Variants in GPBP1 observed in about 807,000 individuals in gnomAD.
GPBP1 encodes the protein vasculin.
A neutral mutation model predicts 56.5 loss-of-function variants in GPBP1; 13 were observed. The observed-to-expected ratio is 0.23, with a 90% CI of 0.15 to 0.37. GPBP1 has a LOEUF of 0.37. Ranked by LOEUF, GPBP1 falls within the 10% of genes least tolerant of loss-of-function variation. GPBP1 has a pLI of 1.00. For missense variants in GPBP1, 477 were observed against 572.3 expected (o/e 0.83, Z 1.70); for synonymous variants, 204 against 188.9 (o/e 1.08, Z -0.66).
At chr5:57,193,613 CAAAAAAAA>C (rs1194542329) in intron 2 of GPBP1, among the ~76,000 whole-genome samples, 1 of 61,514 alleles carries the variant, frequency 1.6e-5, no homozygotes, top group African/African-American at 5.6e-5. Flanking sequence ...GACCCTGTCT[CAAAAAAAA>C]AAAAAAAAAA....
chr5:57,246,534 A>C, intron 7 of GPBP1, 50 bp downstream of exon 7: 2 of 1,444,146 alleles, frequency 1.4e-6, no homozygotes, highest in Non-Finnish European at 1.9e-6. Flanking sequence ...TAACCAATTT[A>C]TGTCCTATGG....
chr5:57,220,313 C>G (rs1755899587), intron 3 of GPBP1, among the ~76,000 whole-genome samples: 1 of 151,928 alleles, frequency 6.6e-6, no homozygotes, highest in Non-Finnish European at 1.5e-5. Context: ...CGTTGAAATT[C>G]TCAATGCTTT....
At chr5:57,209,297 A>G (rs745848732) in intron 2 of GPBP1, among the ~76,000 whole-genome samples, 12 of 152,048 alleles carry the variant, frequency 7.9e-5, no homozygotes, top group African/African-American at 1.2e-4. Context: ...TTTGGATGCC[A>G]TTTAAAAAAA....
intron 10 of GPBP1, among the ~76,000 whole-genome samples, chr5:57,258,368 C>T (rs1741751488): frequency 6.7e-6 from 1 of 150,058 alleles, no homozygotes; most frequent in Admixed American, 6.6e-5. Flanking sequence ...TAGCCCACTA[C>T]CTACCTAGGC....
At chr5:57,224,125 G>A (rs1020499319) in intron 3 of GPBP1, among the ~76,000 whole-genome samples, 2 of 151,880 alleles carry the variant, frequency 1.3e-5, no homozygotes. Context: ...GAGCCACCGC[G>A]CCCGGCCTTA....
chr5:57,175,726 C>G lies in GPBP1; in HGVS notation c.-732C>G, dbSNP rs1753766151. The G allele has an allele frequency of 2.5e-6, 1 of 396,458 alleles. No homozygotes were observed. Among genetic ancestry groups the G allele is most frequent in the African/African-American group, 2.1e-5 (1 of 48,590 alleles). The allele number at this position is 396,458 out of a possible 1,614,324, so 24.6% of individuals were successfully genotyped here. ...CAGCTGGTGGTAATTTTTGCCTCCC[C>G]TTCCCCCACCCCGTTGTTGGGGTTC... On this transcript the variant is annotated 5_prime_UTR_variant, in exon 2 of 12. Transcript: ENST00000506184.
chr5:57,202,993 A>G (rs992518059), intron 2 of GPBP1, among the ~76,000 whole-genome samples: 46 of 152,356 alleles, frequency 3.0e-4, no homozygotes, highest in African/African-American at 1.0e-3. Context: ...TTGTGAGGAA[A>G]GAGAAGCTCA....
At chr5:57,242,247 A>C (rs551166905) in intron 6 of GPBP1, among the ~76,000 whole-genome samples, 10 of 152,292 alleles carry the variant, frequency 6.6e-5, no homozygotes, top group Non-Finnish European at 7.4e-5. Flanking sequence ...GGACACCTTT[A>C]ATTTGAATTG....
chr5:57,249,514 G>T lies in GPBP1; in HGVS notation c.910G>T (p.Ala304Ser). ...TGATAAGAAGAGTGAATTTTTGAAA[G>T]CATTGAAAAGAGACAGAGTAGAAGA... ...RTDKKSEFLK[A>S]LKRDRVEEEH... is the part of the protein sequence containing the mutation. The change falls in exon 9 of 12, where the codon GCA becomes TCA. Residue 304 changes from alanine to serine, a missense_variant. Physicochemically the swap from Ala to Ser is moderately conservative, Grantham distance 99. Transcript: ENST00000506184. The T allele has an allele frequency of 6.2e-7, 1 of 1,613,336 alleles. No individual in the cohort carries two copies. The highest frequency in any genetic ancestry group is 2.2e-5 in the East Asian group (1 of 44,842).
chr5:57,231,623 A>G (rs1172147662), intron 5 of GPBP1, among the ~76,000 whole-genome samples: 1 of 152,200 alleles, frequency 6.6e-6, no homozygotes, highest in African/African-American at 2.4e-5. Flanking sequence ...TATTTCTTAA[A>G]TTACAGAAAA....
chr5:57,231,056 CTCT>C (rs1480081135), intron 4 of GPBP1, 39 bp from the exon 5 acceptor site: 9 of 1,587,764 alleles, frequency 5.7e-6, no homozygotes, highest in African/African-American at 2.7e-5. Flanking sequence ...CTTTAAGCTT[CTCT>C]TCTTTGAATT....
chr5:57,219,406 A>AAAAC lies in GPBP1; in HGVS notation c.63+5216_63+5217insCAAA, dbSNP rs1755843555. Among the ~76,000 whole-genome samples, 2 of 37,466 alleles carry AAAAC rather than the reference A, an allele frequency of 5.3e-5. 1 individual carries two copies. Among genetic ancestry groups the AAAAC allele is most frequent in the African/African-American group, 5.0e-4 (2 of 3,962 alleles). 24.6% of individuals were successfully genotyped at this position (37,466 alleles called of 152,430 possible). On this transcript the variant is annotated intron_variant, in intron 3 of 11. Coordinates refer to ENST00000506184, the MANE Select transcript of GPBP1 (RefSeq NM_022913.4). ...AAAAAAAAAAAAAAAAAAAAAAACC[A>AAAAC]AAAACAAACAAACAAAAAAAAAAAC...
In GPBP1 at chr5:57,214,136, G is replaced by T; in HGVS notation, c.6G>T (p.Ala2=). Reference sequence around the variant, plus strand: ...GTTGGAGAGACTGGACCTAAATGGCGCAGCATGACTTTGCTCCAGCCTGGC... The same window carrying T: ...GTTGGAGAGACTGGACCTAAATGGCTCAGCATGACTTTGCTCCAGCCTGGC... The part of the protein sequence containing the change: M[A]QHDFAPAWLN... The change falls in exon 3 of 12, where the codon GCG becomes GCT. Residue 2 remains alanine (A), a synonymous_variant. Coordinates refer to ENST00000506184, the MANE Select transcript of GPBP1 (RefSeq NM_022913.4). 1 of 1,613,674 alleles carries T rather than the reference G, an allele frequency of 6.2e-7. No individual in the cohort carries two copies. Among genetic ancestry groups the T allele is most frequent in the Non-Finnish European group, 8.5e-7 (1 of 1,179,638 alleles).
intron 8 of GPBP1, 66 bp downstream of exon 8, chr5:57,247,281 A>C: frequency 1.6e-6 from 2 of 1,271,330 alleles, no homozygotes; most frequent in East Asian, 5.1e-5. Flanking sequence ...ACAGTGAATA[A>C]AAGGTAGAAA....
chr5:57,194,322 A>G (rs145638376), intron 2 of GPBP1, among the ~76,000 whole-genome samples: 4 of 152,292 alleles, frequency 2.6e-5, no homozygotes, highest in East Asian at 1.9e-4. Flanking sequence ...GTACCAATGT[A>G]TATTTCTAGT....
rs1269913815 is a variant in GPBP1, at chr5:57,251,014, C to T, written c.1033C>T (p.Arg345Ter). The T allele has an allele frequency of 1.2e-6, 2 of 1,612,128 alleles. No individual in the cohort carries two copies. The highest frequency in any genetic ancestry group is 1.7e-6 in the Non-Finnish European group (2 of 1,179,124). Residue 345 changes from arginine (R) to a stop codon, truncating the protein, a stop_gained, in exon 10 of 12, where the codon CGA becomes TGA. Transcript: ENST00000506184. LOFTEE classifies it high-confidence loss of function. ...NSTHQERDINRNFDENEIPQE... is the reference protein window; with the variant it reads ...NSTHQERDIN ...TACTCACCAAGAAAGGGATATAAAC[C>T]GAAACTTCGATGAAAATGAAATTCC...
intron 2 of GPBP1, among the ~76,000 whole-genome samples, chr5:57,179,032 T>C (rs893696386): frequency 2.6e-5 from 4 of 152,114 alleles, no homozygotes; most frequent in Non-Finnish European, 4.4e-5. Context: ...ATGAGAAAAT[T>C]AGGATTTAGG....
intron 3 of GPBP1, among the ~76,000 whole-genome samples, chr5:57,218,330 AG>A (rs1373813329): frequency 1.3e-5 from 2 of 152,216 alleles, no homozygotes; most frequent in Non-Finnish European, 1.5e-5. Context: ...GTTACAAACC[AG>A]GATTTCTGCA....
intron 10 of GPBP1, among the ~76,000 whole-genome samples, chr5:57,256,031 TG>T (rs1334801626): frequency 6.6e-6 from 1 of 152,118 alleles, no homozygotes; most frequent in Non-Finnish European, 1.5e-5. Flanking sequence ...CTGAGGCAGG[TG>T]GGTCACTTAG....
Sources: allele counts gnomAD v4.1 joint callset (sites outside exome capture counted in the v4.1 genomes callset), GRCh38; gene constraint gnomAD v4.1.1; transcripts MANE v1.5; gene names NCBI Gene and HGNC (gene_info 2026-07-23, HGNC 2026-07-21).